Variants in GSTO2 observed in about 807,000 individuals in gnomAD.
The protein encoded by GSTO2 is glutathione S-transferase omega 2, also known as glutathione S-transferase omega-2.
GSTO2 carries 23 observed loss-of-function variants against 28.4 expected under a neutral mutation model. The ratio of observed to expected loss-of-function variants is 0.81; its 90% CI spans 0.58 to 1.15. The LOEUF (loss-of-function observed/expected upper bound fraction) is 1.15. Ranked by LOEUF, GSTO2 falls within the 50% of genes most tolerant of loss-of-function variation. The pLI, the probability that GSTO2 is intolerant of heterozygous loss-of-function variation, is 0.00. For missense variants in GSTO2, 298 were observed against 297.8 expected (o/e 1.00, Z 0.00); for synonymous variants, 109 against 111.0 (o/e 0.98, Z 0.11).
chr10:104,285,021 TGCCC>T (rs1202625318), intron 5 of GSTO2, among the ~76,000 whole-genome samples: 2 of 152,194 alleles, frequency 1.3e-5, no homozygotes, highest in African/African-American at 4.8e-5. Context: ...AGCCTTCGTC[TGCCC>T]GTGGCCACAG....
At chr10:104,277,432 C>T (rs1018351443) in intron 3 of GSTO2, among the ~76,000 whole-genome samples, 2 of 152,030 alleles carry the variant, frequency 1.3e-5, no homozygotes, top group African/African-American at 2.4e-5. Flanking sequence ...TACAGGCGCC[C>T]GCCACCATGC....
intron 5 of GSTO2, among the ~76,000 whole-genome samples, chr10:104,290,439 A>T (rs2012705557): frequency 2.6e-5 from 4 of 151,806 alleles, no homozygotes; most frequent in Admixed American, 2.0e-4. Context: ...TGGGAGGCAG[A>T]GGTTGCAGTG....
chr10:104,275,189 T>C, intron 2 of GSTO2, 37 bp from the exon 3 acceptor site: 2 of 1,582,730 alleles, frequency 1.3e-6, no homozygotes, highest in Non-Finnish European at 1.7e-6. Flanking sequence ...CTGACTAGCC[T>C]CTCCTTTCCC....
rs1005989608 is a variant in GSTO2 at position 104,299,952 on chromosome 10, C to T, written c.*668C>T. On this transcript the variant is annotated 3_prime_UTR_variant, in exon 7 of 7. Transcript: ENST00000338595. ...AACCTATGACTGATGCTTGTCACTA[C>T]AGAATGGCACCCTCCAAAGACCTCC... 3 of 152,608 alleles carry T rather than the reference C, an allele frequency of 2.0e-5. No homozygotes were observed. The highest frequency in any genetic ancestry group is 2.9e-5 in the Non-Finnish European group (2 of 68,358). The allele number at this position is 152,608 out of a possible 1,614,324, so 9.5% of individuals were successfully genotyped here. A position where few individuals can be genotyped will look rare whatever the true frequency, so the allele number is the denominator to read the frequency against.
In GSTO2 at chr10:104,274,851, C is replaced by T; in HGVS notation, c.-65C>T. On this transcript the variant is annotated 5_prime_UTR_variant, in exon 2 of 7. Transcript: ENST00000338595. ...GCGCAGCTGTTTCTGGAGCCTGCGG[C>T]AGCGGTGGCGAGCCACAGGGCGGCG... 6.4e-7 allele frequency: 1 copy of T among 1,568,132 alleles called. No homozygotes were observed. The highest frequency in any genetic ancestry group is 8.7e-7 in the Non-Finnish European group (1 of 1,153,518).
At chr10:104,275,022 C>T in intron 2 of GSTO2, 73 bp downstream of exon 2, 1 of 1,546,294 alleles carries the variant, frequency 6.5e-7, no homozygotes, top group Non-Finnish European at 8.7e-7. Context: ...GCGGAGCTGC[C>T]TGGCCTTGGC....
chr10:104,282,408 G>A (rs890367040), intron 5 of GSTO2, among the ~76,000 whole-genome samples: 5 of 151,786 alleles, frequency 3.3e-5, no homozygotes, highest in Admixed American at 3.3e-4. Context: ...CAAAATGTTA[G>A]CTTGGCATGG....
chr10:104,294,908 C>T (rs1026869964), intron 5 of GSTO2: 1 of 152,194 alleles, frequency 6.6e-6, no homozygotes, highest in Non-Finnish European at 1.5e-5. Flanking sequence ...AAATTCCCTC[C>T]TCACTTTACC....
chr10:104,285,544 G>C (rs1314541381), intron 5 of GSTO2, among the ~76,000 whole-genome samples: 1 of 152,144 alleles, frequency 6.6e-6, no homozygotes, highest in Non-Finnish European at 1.5e-5. Context: ...CAGCCTCCTG[G>C]GCTCAAGTGA....
In GSTO2 at chr10:104,275,311, C is replaced by A. The variant is rs572727110; in HGVS notation, c.120C>A (p.Leu40=). ...RFCPYSHRTR[L]VLKAKDIRHE... ...GCCCCTATTCTCACAGGACCCGCCT[C>A]GTCCTCAAGGCCAAAGACATCAGGT... Residue 40 remains leucine, a synonymous_variant, in exon 3 of 7, where the codon CTC becomes CTA. Coordinates refer to ENST00000338595, the MANE Select transcript of GSTO2 (RefSeq NM_183239.2). 5.6e-6 allele frequency: 9 copies of A among 1,613,932 alleles called. No individual in the cohort carries two copies. The highest frequency in any genetic ancestry group is 7.6e-6 in the Non-Finnish European group (9 of 1,179,986).
At chr10:104,285,679 G>C (rs980214671) in intron 5 of GSTO2, among the ~76,000 whole-genome samples, 2 of 151,896 alleles carry the variant, frequency 1.3e-5, no homozygotes, top group Non-Finnish European at 2.9e-5. Flanking sequence ...TGTTGCTCAG[G>C]CTGGTCTTGA....
At chr10:104,277,142 A>C (rs981279573) in intron 3 of GSTO2, among the ~76,000 whole-genome samples, 1 of 152,060 alleles carries the variant, frequency 6.6e-6, no homozygotes, top group Non-Finnish European at 1.5e-5. Context: ...CAAAACTCAT[A>C]CTCTTAATTG....
In GSTO2 at chr10:104,293,051, C is replaced by T. The variant is rs185280137; in HGVS notation, c.469-4527C>T. ...TAGTAAAGTTGCCTGAAGATCTGCT[C>T]ATCAGTGGAATAAAACAGGAAGGAC... On this transcript the variant is annotated intron_variant, in intron 5 of 6. Transcript: ENST00000338595. Among the ~76,000 whole-genome samples the T allele has an allele frequency of 2.5e-3, 379 of 152,302 alleles. 2 individuals are homozygous for T. Among genetic ancestry groups the T allele is most frequent in the African/African-American group, 7.6e-3 (316 of 41,558 alleles).
rs541232168 is a variant in GSTO2, at chr10:104,304,480, G to A, written c.*5196G>A. On this transcript the variant is annotated 3_prime_UTR_variant, in exon 7 of 7. Coordinates refer to ENST00000338595, the MANE Select transcript of GSTO2 (RefSeq NM_183239.2). Reference sequence around the variant, plus strand: ...AAGGTTAGCACTGGGATCAAATTCCGACTTTGCAACTTAACTTTCTTGAGT... The same window carrying A: ...AAGGTTAGCACTGGGATCAAATTCCAACTTTGCAACTTAACTTTCTTGAGT... 1.2e-4 allele frequency: 19 copies of A among 152,268 alleles called. No homozygotes were observed. In the East Asian group the frequency reaches 3.1e-3, roughly 25 times the overall value. 9.4% of individuals were successfully genotyped at this position (152,268 alleles called of 1,614,324 possible).
intron 2 of GSTO2, 116 bp from the exon 3 acceptor site, chr10:104,275,110 A>T: frequency 4.0e-6 from 6 of 1,516,082 alleles, no homozygotes; most frequent in Non-Finnish European, 5.3e-6. Flanking sequence ...CCTCTCTGGG[A>T]CTTGGGAGTT....
intron 5 of GSTO2, among the ~76,000 whole-genome samples, chr10:104,290,531 T>C (rs1173532390): frequency 1.3e-5 from 2 of 151,228 alleles, no homozygotes; most frequent in African/African-American, 2.4e-5. Context: ...AAAGAAAATA[T>C]AGTACATATA....
intron 5 of GSTO2, among the ~76,000 whole-genome samples, chr10:104,286,418 C>T (rs915406143): frequency 6.6e-6 from 1 of 152,148 alleles, no homozygotes; most frequent in Non-Finnish European, 1.5e-5. Context: ...ATCCTTCATT[C>T]TTTTTTATGG....
intron 5 of GSTO2, 146 bp downstream of exon 5, chr10:104,279,617 G>T (rs2011892822): frequency 8.1e-6 from 5 of 614,770 alleles, no homozygotes; most frequent in Admixed American, 2.8e-5. Context: ...TTGCATGTTT[G>T]CCCTCCTCTA....
intron 5 of GSTO2, among the ~76,000 whole-genome samples, chr10:104,282,999 A>C (rs115142867): frequency 0.01 from 1,583 of 152,348 alleles, 27 homozygotes; most frequent in African/African-American, 0.035. Flanking sequence ...AAAGAGAAAG[A>C]AAAAGAAAAA....
Sources: gnomAD v4.1 joint callset for allele counts (sites outside exome capture counted in the v4.1 genomes callset) on GRCh38, gnomAD v4.1.1 for gene constraint, MANE v1.5 for transcripts, NCBI Gene and HGNC (gene_info 2026-07-23, HGNC 2026-07-21) for gene names.